Variants in AFG2A observed in about 807,000 individuals in gnomAD.
AFG2A encodes AAA ATPase AFG2A.
the AFG2A span, among the ~76,000 whole-genome samples, chr4:123,243,563 C>T: frequency 2.0e-5 from 3 of 151,832 alleles, no homozygotes; most frequent in Non-Finnish European, 4.4e-5. Context: ...CACTTGGACG[C>T]AGGGCAGGGA....
chr4:123,255,588 G>A, the AFG2A span, among the ~76,000 whole-genome samples: 1 of 150,886 alleles, frequency 6.6e-6, no homozygotes, highest in Non-Finnish European at 1.5e-5. Context: ...ATTTAAGGAA[G>A]TTACAAAAAA....
chr4:122,989,799 T>G, the AFG2A span, among the ~76,000 whole-genome samples: 1 of 151,924 alleles, frequency 6.6e-6, no homozygotes, highest in Non-Finnish European at 1.5e-5. Flanking sequence ...AGGTTGGGGG[T>G]GGGATGAAGC....
the AFG2A span, among the ~76,000 whole-genome samples, chr4:123,246,342 C>G: frequency 6.6e-6 from 1 of 152,176 alleles, no homozygotes; most frequent in Admixed American, 6.5e-5. Flanking sequence ...AGTTGCCTAA[C>G]TGGAAGTTGC....
At chr4:123,045,067 C>T in the AFG2A span, among the ~76,000 whole-genome samples, 1 of 151,808 alleles carries the variant, frequency 6.6e-6, no homozygotes, top group South Asian at 2.1e-4. Flanking sequence ...AAAATATTTA[C>T]GATACCTGTT....
chr4:123,205,636 A>G, the AFG2A span, among the ~76,000 whole-genome samples: 1 of 152,164 alleles, frequency 6.6e-6, no homozygotes, highest in Non-Finnish European at 1.5e-5. Flanking sequence ...ACCATTTTAT[A>G]TAAAAAGGAC....
the AFG2A span, among the ~76,000 whole-genome samples, chr4:123,062,986 C>G: frequency 6.6e-6 from 1 of 152,198 alleles, no homozygotes; most frequent in South Asian, 2.1e-4. Context: ...TCTATTTGCA[C>G]TGAATCTTAT....
At chr4:122,930,396 C>G in the AFG2A span, among the ~76,000 whole-genome samples, 28 of 136,992 alleles carry the variant, frequency 2.0e-4, no homozygotes, top group East Asian at 5.2e-3. Context: ...GTGAGAATTA[C>G]AAACCATTTT....
chr4:123,058,957 C>T, the AFG2A span, among the ~76,000 whole-genome samples: 1 of 152,098 alleles, frequency 6.6e-6, no homozygotes, highest in Non-Finnish European at 1.5e-5. Flanking sequence ...AAGTCCCTTC[C>T]ACCTATGAGC....
At chr4:123,244,325 TGAG>T in the AFG2A span, among the ~76,000 whole-genome samples, 1 of 152,044 alleles carries the variant, frequency 6.6e-6, no homozygotes, top group Non-Finnish European at 1.5e-5. Flanking sequence ...TAAAAAAAAT[TGAG>T]GAGTGGCAGG....
the AFG2A span, among the ~76,000 whole-genome samples, chr4:123,111,511 A>G: frequency 1.3e-5 from 2 of 152,136 alleles, no homozygotes; most frequent in Non-Finnish European, 2.9e-5. Flanking sequence ...TGAGAGATTC[A>G]AGTTTTGTAT....
At chr4:123,081,606 T>C in the AFG2A span, among the ~76,000 whole-genome samples, 1 of 152,176 alleles carries the variant, frequency 6.6e-6, no homozygotes, top group Non-Finnish European at 1.5e-5. Flanking sequence ...TGTGTGCAAG[T>C]TTTTTGTGGA....
the AFG2A span, among the ~76,000 whole-genome samples, chr4:123,090,973 G>A: frequency 6.6e-6 from 1 of 152,222 alleles, no homozygotes; most frequent in Non-Finnish European, 1.5e-5. Flanking sequence ...TTGCAAGCTA[G>A]TCTCTCAAGG....
chr4:123,124,111 C>T, the AFG2A span, among the ~76,000 whole-genome samples: 1 of 152,016 alleles, frequency 6.6e-6, no homozygotes. Context: ...CTAGAAATGC[C>T]ATTTGACCCA....
the AFG2A span, among the ~76,000 whole-genome samples, chr4:123,180,417 G>A: frequency 7.9e-5 from 12 of 152,188 alleles, no homozygotes; most frequent in African/African-American, 2.9e-4. Context: ...GTAGTGGGAA[G>A]TAACAGTAGG....
At chr4:122,954,690 A>G in the AFG2A span, among the ~76,000 whole-genome samples, 4 of 152,012 alleles carry the variant, frequency 2.6e-5, no homozygotes, top group Non-Finnish European at 5.9e-5. Flanking sequence ...ATCTCTTTCT[A>G]CTCATAGTTC....
chr4:123,119,358 C>T, the AFG2A span, among the ~76,000 whole-genome samples: 559 of 152,114 alleles, frequency 3.7e-3, 5 homozygotes, highest in African/African-American at 0.013. Context: ...ATTATGCACC[C>T]AAAACAAGAA....
chr4:123,042,248 A>G, the AFG2A span, among the ~76,000 whole-genome samples: 1 of 152,194 alleles, frequency 6.6e-6, no homozygotes, highest in African/African-American at 2.4e-5. Flanking sequence ...GTCCAAGATC[A>G]AAGTGCTGGC....
the AFG2A span, among the ~76,000 whole-genome samples, chr4:123,261,687 C>T: frequency 2.3e-4 from 35 of 152,244 alleles, no homozygotes; most frequent in East Asian, 5.6e-3. Flanking sequence ...TGTCATTAAA[C>T]CATAATGACC....
the AFG2A span, among the ~76,000 whole-genome samples, chr4:122,979,729 C>T: frequency 2.0e-5 from 3 of 152,132 alleles, no homozygotes; most frequent in Non-Finnish European, 2.9e-5. Context: ...ATGGTAAAAC[C>T]CCATCTCTAC....
Sources: allele counts gnomAD v4.1 joint callset (sites outside exome capture counted in the v4.1 genomes callset), GRCh38; gene constraint gnomAD v4.1.1; transcripts MANE v1.5; gene names NCBI Gene and HGNC (gene_info 2026-07-23, HGNC 2026-07-21).